PARD3B: variants seen among roughly 807,000 people sequenced by gnomAD.
PARD3B encodes partitioning defective 3 homolog B.
Under a neutral mutation model 130.2 loss-of-function variants are expected in PARD3B, and 103 were observed. That is an observed-to-expected ratio of 0.79 (90% CI 0.67 to 0.93). PARD3B has a LOEUF of 0.93. Ranked by LOEUF, PARD3B falls within the 40% of genes least tolerant of loss-of-function variation. The pLI, the probability that PARD3B is intolerant of heterozygous loss-of-function variation, is 0.00. For missense variants in PARD3B, 1,609 were observed against 1,499.2 expected, an observed-to-expected ratio of 1.07 and a Z score of -1.21; for synonymous variants, 583 against 553.2, an observed-to-expected ratio of 1.05 and a Z score of -0.76.
At chr2:204,562,846 T>G (rs1447642907) in intron 1 of PARD3B, among the ~76,000 whole-genome samples, 2 of 151,960 alleles carry the variant, frequency 1.3e-5, no homozygotes, top group African/African-American at 2.4e-5. Flanking sequence ...TTTTTTTCGT[T>G]GCTGTAACTA....
At chr2:204,992,696 C>G (rs1379604945) in intron 3 of PARD3B, among the ~76,000 whole-genome samples, 1,173 of 99,246 alleles carry the variant, frequency 0.012, 13 homozygotes, top group African/African-American at 0.031. Flanking sequence ...GATATTGATT[C>G]TTCCTACCCA....
chr2:205,037,342 A>G (rs1287380093), intron 3 of PARD3B, among the ~76,000 whole-genome samples: 3 of 90,878 alleles, frequency 3.3e-5, no homozygotes, highest in Non-Finnish European at 7.4e-5. Flanking sequence ...TAAAATATAT[A>G]TAGTGGACTA....
chr2:204,553,130 A>G (rs753518965), intron 1 of PARD3B, among the ~76,000 whole-genome samples: 7 of 151,826 alleles, frequency 4.6e-5, no homozygotes, highest in Non-Finnish European at 8.8e-5. Context: ...AAGAAGATAT[A>G]GAAATGGCCA....
chr2:204,801,977 CA>C (rs1337481814), intron 2 of PARD3B, among the ~76,000 whole-genome samples: 2 of 152,068 alleles, frequency 1.3e-5, no homozygotes, highest in African/African-American at 2.4e-5. Context: ...GTGGTTTTGT[CA>C]TTGGTTTTGT....
At chr2:205,046,013 G>A (rs1478239140) in intron 3 of PARD3B, among the ~76,000 whole-genome samples, 1 of 151,992 alleles carries the variant, frequency 6.6e-6, no homozygotes, top group Non-Finnish European at 1.5e-5. Context: ...TAAATGCTTG[G>A]AAATAAACCA....
chr2:204,588,377 C>T (rs112445564), intron 1 of PARD3B, among the ~76,000 whole-genome samples: 1,524 of 152,228 alleles, frequency 0.01, 26 homozygotes, highest in African/African-American at 0.036. Context: ...AGGTAACCTG[C>T]GTATTTAATT....
At chr2:205,576,825 C>CA (rs1263999884) in intron 22 of PARD3B, among the ~76,000 whole-genome samples, 1 of 151,932 alleles carries the variant, frequency 6.6e-6, no homozygotes, top group African/African-American at 2.4e-5. Flanking sequence ...TGTAAATATC[C>CA]AAAAAAGACT....
intron 1 of PARD3B, among the ~76,000 whole-genome samples, chr2:204,617,781 G>A (rs1400004885): frequency 6.6e-6 from 1 of 152,156 alleles, no homozygotes; most frequent in East Asian, 1.9e-4. Flanking sequence ...CCACTTATAA[G>A]TGACAGTATG....
chr2:204,964,601 C>A (rs1235237511), intron 2 of PARD3B, among the ~76,000 whole-genome samples: 1 of 151,898 alleles, frequency 6.6e-6, no homozygotes, highest in Non-Finnish European at 1.5e-5. Context: ...AATGGGATAC[C>A]TATTTATGCA....
At chr2:205,152,894 T>G (rs2033859092) in intron 10 of PARD3B, among the ~76,000 whole-genome samples, 1 of 152,190 alleles carries the variant, frequency 6.6e-6, no homozygotes, top group Middle Eastern at 3.2e-3. Flanking sequence ...CTTTGTGGTT[T>G]TATCTACCTT....
intron 15 of PARD3B, among the ~76,000 whole-genome samples, chr2:205,206,204 C>CTTTTTTTTTTTTTTTT (rs559433029): frequency 7.6e-6 from 1 of 131,598 alleles, no homozygotes. Context: ...TTCTGTGTTC[C>CTTTTTTTTTTTTTTTT]TTTTTTTTTT....
At chr2:204,947,695 C>T (rs7592342) in intron 2 of PARD3B, among the ~76,000 whole-genome samples, 56,808 of 151,774 alleles carry the variant, frequency 0.37, 11,811 homozygotes, top group African/African-American at 0.54. Context: ...GGCTTATCTA[C>T]AGTCTGAAGA....
chr2:204,959,170 T>G (rs988115581), intron 2 of PARD3B, among the ~76,000 whole-genome samples: 1 of 152,134 alleles, frequency 6.6e-6, no homozygotes, highest in Non-Finnish European at 1.5e-5. Context: ...GATGTTCCCC[T>G]CACTGTGTCC....
At chr2:205,394,094 T>TG (rs747327723) in intron 18 of PARD3B, among the ~76,000 whole-genome samples, 3 of 152,154 alleles carry the variant, frequency 2.0e-5, no homozygotes, top group Non-Finnish European at 2.9e-5. Context: ...TTGGCTATTG[T>TG]GATGTGTAGT....
intron 15 of PARD3B, among the ~76,000 whole-genome samples, chr2:205,212,514 T>G (rs920903410): frequency 1.3e-5 from 2 of 152,022 alleles, no homozygotes; most frequent in African/African-American, 4.8e-5. Flanking sequence ...TGAGGAAGGA[T>G]TGCCAACAAG....
chr2:205,488,213 C>A (rs2049522438), intron 20 of PARD3B, among the ~76,000 whole-genome samples: 1 of 151,862 alleles, frequency 6.6e-6, no homozygotes, highest in Non-Finnish European at 1.5e-5. Context: ...GGTCCCCAAC[C>A]TTTTTGGCAC....
At chr2:204,795,354 A>G (rs1322611692) in intron 2 of PARD3B, among the ~76,000 whole-genome samples, 2 of 152,184 alleles carry the variant, frequency 1.3e-5, no homozygotes, top group East Asian at 1.9e-4. Flanking sequence ...TTTGTTATAT[A>G]TGGAGTTGCT....
At chr2:205,423,856 C>T (rs1255718024) in intron 19 of PARD3B, among the ~76,000 whole-genome samples, 1 of 152,100 alleles carries the variant, frequency 6.6e-6, no homozygotes, top group Non-Finnish European at 1.5e-5. Context: ...CCAAATACCA[C>T]ATATTCTCAC....
chr2:205,614,898 T>G (rs539093073), intron 22 of PARD3B, among the ~76,000 whole-genome samples: 88 of 152,058 alleles, frequency 5.8e-4, no homozygotes, highest in Non-Finnish European at 7.5e-4. Context: ...GCGAGTGCAG[T>G]CCATGGAAAC....
Sources: allele counts gnomAD v4.1 joint callset (sites outside exome capture counted in the v4.1 genomes callset), GRCh38; gene constraint gnomAD v4.1.1; transcripts MANE v1.5; gene names NCBI Gene and HGNC (gene_info 2026-07-23, HGNC 2026-07-21).